ZNF619: variants seen among roughly 807,000 people sequenced by gnomAD.
ZNF619 encodes the protein zinc finger protein 619.
ZNF619 carries 9 observed loss-of-function variants against 14.2 expected under a neutral mutation model. The ratio of observed to expected loss-of-function variants is 0.64; its 90% confidence interval spans 0.38 to 1.11. The LOEUF (loss-of-function observed/expected upper bound fraction) is 1.11, where lower values mean the gene tolerates loss of function less well. Among genes scored for constraint, ZNF619 ranks in the 50% least tolerant of loss-of-function variants. The pLI, the probability that ZNF619 is intolerant of heterozygous loss-of-function variation, is 0.01. For synonymous variants in ZNF619, 246 were observed against 252.8 expected, an observed-to-expected ratio of 0.97 and a Z score of 0.26; for missense variants, 659 against 680.1, an observed-to-expected ratio of 0.97 and a Z score of 0.34.
rs909951899 is a variant in ZNF619 at position 40,481,867 on chromosome 3, T to C, written c.29T>C (p.Leu10Ser). 1.9e-5 allele frequency: 30 copies of C among 1,602,918 alleles called. 1 individual carries two copies. The Admixed American group carries it at 4.6e-4, about 24-fold the overall frequency. Residue 10 changes from leucine (L) to serine (S), a missense_variant, in exon 3 of 5, where the codon TTG (leucine) becomes TCG (serine). By Grantham distance (145) the Leu-to-Ser change is moderately radical. Coordinates refer to ENST00000432264, the MANE Select transcript of ZNF619 (RefSeq NM_001145093.4). ...TCTCCCTCTGTTCTTGTGCAGGGCT[T>C]GGGCAGGAACCTGTTGTTTCAGGAG... is the stretch of plus-strand genomic sequence containing the variant. MLQTVWFQG[L>S]GRNLLFQEPV...
Position 40,488,222 on chromosome 3 carries a change from C to T in ZNF619, c.1712C>T (p.Pro571Leu). The change falls in exon 5 of 5, where the codon CCT (proline) becomes CTT (leucine). Residue 571 changes from proline to leucine, a missense_variant. By Grantham distance (98) the Pro-to-Leu change is moderately conservative. Transcript: ENST00000432264. ...PGKSSLQSPN[P>L]LSHSL ...AAGTCATCCCTTCAGAGCCCGAATC[C>T]TTTGTCTCACTCCCTGTAAGCCCCG... 1.9e-6 allele frequency: 3 copies of T among 1,569,386 alleles called. No homozygotes were observed. Among genetic ancestry groups the T allele is most frequent in the Non-Finnish European group, 1.7e-6 (2 of 1,145,932 alleles).
At chr3:40,478,701 G>A (rs1697283865) in intron 2 of ZNF619, among the ~76,000 whole-genome samples, 2 of 151,930 alleles carry the variant, frequency 1.3e-5, no homozygotes, top group Admixed American at 6.6e-5. Context: ...GGTAGATGAT[G>A]GTTTTACTGG....
At position 40,477,254 on chromosome 3, in the gene ZNF619, CG is replaced by C. The variant is rs1382154757; in HGVS notation, c.-165del. On this transcript the variant is annotated 5_prime_UTR_variant, in exon 1 of 5. Coordinates refer to ENST00000432264, the MANE Select transcript of ZNF619 (RefSeq NM_001145093.4). ...GGCTTTGGGCCCTTGCAGAGGTCGC[CG>C]AGGGGCCCGCGCCGCCGCCAGAGCC... 1 of 152,696 alleles carries C rather than the reference CG, an allele frequency of 6.5e-6. No homozygotes were observed. Among genetic ancestry groups the C allele is most frequent in the African/African-American group, 2.4e-5 (1 of 41,458 alleles). 9.5% of individuals were successfully genotyped at this position (152,696 alleles called of 1,614,324 possible). A position where few individuals can be genotyped will look rare whatever the true frequency, so the allele number is the denominator to read the frequency against.
rs1289783367 is a variant in ZNF619, at chr3:40,488,153, C to T, written c.1643C>T (p.Pro548Leu). The change falls in exon 5 of 5, where the codon CCT (proline) becomes CTT (leucine). Residue 548 changes from proline (P) to leucine (L), a missense_variant. Pro to Leu is a moderately conservative substitution (Grantham distance 98). Coordinates refer to ENST00000432264, the MANE Select transcript of ZNF619 (RefSeq NM_001145093.4). ...LPSSEKANPS[P>L]VQIAHFFQDL... The stretch of plus-strand genomic sequence containing the variant: ...TCATCTGAAAAGGCCAACCCTTCAC[C>T]TGTCCAAATAGCACATTTTTTTCAG... 2 of 1,613,864 alleles carry T rather than the reference C, an allele frequency of 1.2e-6. No homozygotes were observed. The highest frequency in any genetic ancestry group is 2.2e-5 in the East Asian group (1 of 44,890).
In ZNF619 at chr3:40,487,019, C is replaced by G. The variant is rs1337753096; in HGVS notation, c.509C>G (p.Ser170Cys). Residue 170 changes from serine to cysteine, a missense_variant, in exon 5 of 5, where the codon TCT (serine) becomes TGT (cysteine). By Grantham distance (112) the Ser-to-Cys change is moderately radical. Coordinates refer to ENST00000432264, the MANE Select transcript of ZNF619 (RefSeq NM_001145093.4). ...CTDLTVQDHE[S>C]STTEREEIAR... is the part of the protein sequence containing the mutation. Reference sequence around the variant, plus strand: ...GATTTGACAGTCCAGGATCATGAATCTTCCACCACTGAAAGGGAGGAGATA... The same window carrying G: ...GATTTGACAGTCCAGGATCATGAATGTTCCACCACTGAAAGGGAGGAGATA... The G allele has an allele frequency of 2.5e-6, 4 of 1,614,050 alleles. No homozygotes were observed. The Admixed American group carries it at 5.0e-5, about 20-fold the overall frequency.
In ZNF619 at chr3:40,487,926, C is replaced by G. The variant is rs779239596; in HGVS notation, c.1416C>G (p.Ile472Met). The G allele has an allele frequency of 6.2e-7, 1 of 1,614,172 alleles. No individual in the cohort carries two copies. The highest frequency in any genetic ancestry group is 1.6e-4 in the Middle Eastern group (1 of 6,062). The change falls in exon 5 of 5, where the codon ATC (isoleucine) becomes ATG (methionine). Residue 472 changes from isoleucine (I) to methionine (M), a missense_variant. Ile to Met is a conservative substitution (Grantham distance 10, BLOSUM62 1). Coordinates refer to ENST00000432264, the MANE Select transcript of ZNF619 (RefSeq NM_001145093.4). ...CCTTCAGATGGAATGCAAGTTTCAT[C>G]CAGCATCAGAAGTGGCATACTAGGA... The part of the protein sequence containing the change: ...GKAFRWNASF[I>M]QHQKWHTRKK...
Position 40,490,048 on chromosome 3 carries a change from G to A in ZNF619, c.*1807G>A, listed in dbSNP as rs922337183. The A allele has an allele frequency of 1.3e-5, 2 of 152,186 alleles. No homozygotes were observed. The highest frequency in any genetic ancestry group is 4.8e-5 in the African/African-American group (2 of 41,434). The allele number at this position is 152,186 out of a possible 1,614,324, so 9.4% of individuals were successfully genotyped here. On this transcript the variant is annotated 3_prime_UTR_variant, in exon 5 of 5. Transcript: ENST00000432264. ...CATCAGGGTGGAGCCTCCATGATGG[G>A]ACTGGTGGCTTTATGAGGAGAGGAA...
rs372033011 is a variant in ZNF619 at position 40,488,001 on chromosome 3, C to T, written c.1491C>T (p.Pro497=). ...TGLSAVKPYC[P]CAILSPLPPQ... ...TATCCGCAGTTAAGCCCTACTGTCC[C>T]TGCGCCATCCTCTCTCCTCTGCCTC... Residue 497 remains proline, a synonymous_variant, in exon 5 of 5, where the codon CCC becomes CCT. Transcript: ENST00000432264. 1.1e-5 allele frequency: 18 copies of T among 1,614,052 alleles called. No homozygotes were observed. Among genetic ancestry groups the T allele is most frequent in the African/African-American group, 1.1e-4 (8 of 74,928 alleles).
At position 40,489,707 on chromosome 3, in the gene ZNF619, G is replaced by A. The variant is rs1697750727; in HGVS notation, c.*1466G>A. 1 of 152,174 alleles carries A rather than the reference G, an allele frequency of 6.6e-6. No individual in the cohort carries two copies. Among genetic ancestry groups the A allele is most frequent in the Admixed American group, 6.5e-5 (1 of 15,280 alleles). The allele number at this position is 152,174 out of a possible 1,614,324, so 9.4% of individuals were successfully genotyped here. A position where few individuals can be genotyped will look rare whatever the true frequency, so the allele number is the denominator to read the frequency against. On this transcript the variant is annotated 3_prime_UTR_variant, in exon 5 of 5. Coordinates refer to ENST00000432264, the MANE Select transcript of ZNF619 (RefSeq NM_001145093.4). ...GTTGGCATCACACTGGTGAGCACCA[G>A]AGGCAAAGAAGAGAAACCTGACCAT... is the stretch of plus-strand genomic sequence containing the variant.
intron 4 of ZNF619, 44 bp from the exon 5 acceptor site, chr3:40,486,762 T>G: frequency 6.8e-7 from 1 of 1,479,296 alleles, no homozygotes; most frequent in Non-Finnish European, 9.1e-7. Context: ...TTTTCCCTTC[T>G]GGAATAAATA....
chr3:40,486,856 T>C lies in ZNF619; in HGVS notation c.346T>C (p.Ser116Pro). Residue 116 changes from serine (S) to proline (P), a missense_variant, in exon 5 of 5, where the codon TCT becomes CCT. By Grantham distance (74) the Ser-to-Pro change is moderately conservative. Transcript: ENST00000432264. ...GGAAAAAACTGCACAGCTAAACATT[T>C]CTAAAGAATCAGAGTCCCACAGACT... ...NEEKTAQLNISKESESHRLIV... is the reference protein window; with the variant it reads ...NEEKTAQLNIPKESESHRLIV... 1 of 1,612,298 alleles carries C rather than the reference T, an allele frequency of 6.2e-7. No homozygotes were observed. Among genetic ancestry groups the C allele is most frequent in the Non-Finnish European group, 8.5e-7 (1 of 1,179,550 alleles).
intron 4 of ZNF619, among the ~76,000 whole-genome samples, chr3:40,486,594 G>C (rs190415536): frequency 5.6e-4 from 85 of 152,152 alleles, no homozygotes; most frequent in African/African-American, 1.7e-3. Flanking sequence ...CCAGCTACTT[G>C]GGAGGCTGAG....
Position 40,487,003 on chromosome 3 carries a change from G to C in ZNF619, c.493G>C (p.Val165Leu), listed in dbSNP as rs748326325. The change falls in exon 5 of 5, where the codon GTC becomes CTC. Residue 165 changes from valine (V) to leucine (L), a missense_variant. Transcript: ENST00000432264. ...TKIGDCTDLT[V>L]QDHESSTTER... is the part of the protein sequence containing the mutation. ...GATAGGGGATTGCACAGATTTGACAGTCCAGGATCATGAATCTTCCACCAC... is the reference window on the plus strand; with the variant it reads ...GATAGGGGATTGCACAGATTTGACACTCCAGGATCATGAATCTTCCACCAC... 2 of 1,614,186 alleles carry C rather than the reference G, an allele frequency of 1.2e-6. No homozygotes were observed. The highest frequency in any genetic ancestry group is 1.7e-6 in the Non-Finnish European group (2 of 1,180,028).
chr3:40,481,499 A>C (rs183295080), intron 2 of ZNF619, among the ~76,000 whole-genome samples: 1 of 152,290 alleles, frequency 6.6e-6, no homozygotes, highest in Admixed American at 6.5e-5. Flanking sequence ...GACCAGAAAG[A>C]AGCTGGGTGG....
In ZNF619 at chr3:40,487,957, C is replaced by G; in HGVS notation, c.1447C>G (p.Leu483Val). 1 of 1,614,194 alleles carries G rather than the reference C, an allele frequency of 6.2e-7. No individual in the cohort carries two copies. The highest frequency in any genetic ancestry group is 8.5e-7 in the Non-Finnish European group (1 of 1,180,036). The change falls in exon 5 of 5, where the codon CTC becomes GTC. Residue 483 changes from leucine to valine, a missense_variant. Leu to Val is a conservative substitution (Grantham distance 32). Coordinates refer to ENST00000432264, the MANE Select transcript of ZNF619 (RefSeq NM_001145093.4). The part of the protein sequence containing the change: ...QHQKWHTRKK[L>V]INGTGLSAVK... ...TCAGAAGTGGCATACTAGGAAGAAA[C>G]TCATCAATGGAACAGGGCTATCCGC...
In ZNF619 at chr3:40,488,447, G is replaced by A. The variant is rs116143397; in HGVS notation, c.*206G>A. 1,337 of 547,470 alleles carry A rather than the reference G, an allele frequency of 2.4e-3. 6 individuals carry two copies. Among genetic ancestry groups the A allele is most frequent in the African/African-American group, 0.019 (992 of 53,000 alleles). The allele number at this position is 547,470 out of a possible 1,614,324, so 33.9% of individuals were successfully genotyped here. A position where few individuals can be genotyped will look rare whatever the true frequency, so the allele number is the denominator to read the frequency against. On this transcript the variant is annotated 3_prime_UTR_variant, in exon 5 of 5. Coordinates refer to ENST00000432264, the MANE Select transcript of ZNF619 (RefSeq NM_001145093.4). ...GAAATGGCAGTACTTATTCTTTATC[G>A]TGTCCACATTTGGGCTGTATTATCA...
intron 2 of ZNF619, among the ~76,000 whole-genome samples, chr3:40,481,121 G>A (rs550651743): frequency 6.6e-6 from 1 of 152,172 alleles, no homozygotes; most frequent in African/African-American, 2.4e-5. Context: ...TGATTTAAAA[G>A]TAACTGACAC....
rs532915384 is a variant in ZNF619 at position 40,488,306 on chromosome 3, G to A, written c.*65G>A. 2.6e-4 allele frequency: 208 copies of A among 793,810 alleles called. 2 individuals carry two copies. The highest frequency in any genetic ancestry group is 1.9e-3 in the South Asian group (112 of 60,480). 49.2% of individuals were successfully genotyped at this position (793,810 alleles called of 1,614,324 possible). A position where few individuals can be genotyped will look rare whatever the true frequency, so the allele number is the denominator to read the frequency against. The stretch of plus-strand genomic sequence containing the variant: ...GGGATTCCACTGGTCTCCTGATTGT[G>A]TCTATTGATATTCCTCTGGTCTTGT... On this transcript the variant is annotated 3_prime_UTR_variant, in exon 5 of 5. Coordinates refer to ENST00000432264, the MANE Select transcript of ZNF619 (RefSeq NM_001145093.4).
At position 40,490,182 on chromosome 3, in the gene ZNF619, G is replaced by A. The variant is rs776140576; in HGVS notation, c.*1941G>A. On this transcript the variant is annotated 3_prime_UTR_variant, in exon 5 of 5. Coordinates refer to ENST00000432264, the MANE Select transcript of ZNF619 (RefSeq NM_001145093.4). Reference sequence around the variant, plus strand: ...TACCAGATGCCTGCACCTTTATATTGGACTTCTTAGCCTTCAGAACTGTGA... The same window carrying A: ...TACCAGATGCCTGCACCTTTATATTAGACTTCTTAGCCTTCAGAACTGTGA... 3 of 152,114 alleles carry A rather than the reference G, an allele frequency of 2.0e-5. No homozygotes were observed. The highest frequency in any genetic ancestry group is 4.8e-5 in the African/African-American group (2 of 41,398). 9.4% of individuals were successfully genotyped at this position (152,114 alleles called of 1,614,324 possible).
Sources: allele counts gnomAD v4.1 joint callset (sites outside exome capture counted in the v4.1 genomes callset), GRCh38; gene constraint gnomAD v4.1.1; transcripts MANE v1.5; gene names NCBI Gene and HGNC (gene_info 2026-07-23, HGNC 2026-07-21).